Variants in DPP10 observed in about 807,000 individuals in gnomAD.
The protein encoded by DPP10 is inactive dipeptidyl peptidase 10.
In DPP10, 33 loss-of-function variants were observed where a neutral mutation model predicts 120.9. That is an observed-to-expected ratio of 0.27 (90% CI 0.21 to 0.37). DPP10 has a LOEUF of 0.37. DPP10 is among the 10% of genes least tolerant of loss of function. DPP10 has a pLI of 1.00. For missense variants in DPP10, 816 were observed against 942.8 expected (o/e 0.87, Z 1.76); for synonymous variants, 337 against 326.1 (o/e 1.03, Z -0.36).
At chr2:115,700,594 A>G (rs1389835780) in intron 7 of DPP10, among the ~76,000 whole-genome samples, 1 of 152,154 alleles carries the variant, frequency 6.6e-6, no homozygotes, top group African/African-American at 2.4e-5. Context: ...AAAGCAATTA[A>G]GCAAACAAAA....
intron 3 of DPP10, among the ~76,000 whole-genome samples, chr2:115,483,877 T>TC (rs1467137357): frequency 6.6e-6 from 1 of 152,076 alleles, no homozygotes; most frequent in Non-Finnish European, 1.5e-5. Flanking sequence ...GTCAGACTGA[T>TC]CTGCTGCCAA....
chr2:115,557,990 C>T (rs1450307313), intron 5 of DPP10, among the ~76,000 whole-genome samples: 1 of 152,172 alleles, frequency 6.6e-6, no homozygotes, highest in Non-Finnish European at 1.5e-5. Context: ...TCCTTATCAT[C>T]TCTGGGAACT....
chr2:115,814,583 G>T, intron 19 of DPP10: 2 of 372,482 alleles, frequency 5.4e-6, no homozygotes, highest in Non-Finnish European at 9.5e-6. Context: ...ATTTCATTCA[G>T]GGAACTTTTC....
intron 1 of DPP10, among the ~76,000 whole-genome samples, chr2:114,883,383 C>T (rs1691804007): frequency 6.6e-6 from 1 of 152,208 alleles, no homozygotes; most frequent in African/African-American, 2.4e-5. Flanking sequence ...CCTCCTACAG[C>T]ATTCGTGATT....
At chr2:115,377,650 T>C (rs2065920277) in intron 3 of DPP10, among the ~76,000 whole-genome samples, 1 of 152,170 alleles carries the variant, frequency 6.6e-6, no homozygotes, top group South Asian at 2.1e-4. Flanking sequence ...TGAATGGTAA[T>C]GCCTAGGTTT....
At chr2:114,689,134 G>A (rs1699569609) in intron 1 of DPP10, among the ~76,000 whole-genome samples, 1 of 151,524 alleles carries the variant, frequency 6.6e-6, no homozygotes, top group African/African-American at 2.4e-5. Flanking sequence ...TTGTTACATA[G>A]GTAAACATGT....
At chr2:114,959,328 G>A (rs570309985) in intron 1 of DPP10, among the ~76,000 whole-genome samples, 4 of 152,280 alleles carry the variant, frequency 2.6e-5, no homozygotes, top group South Asian at 2.1e-4. Context: ...GAATCTTACA[G>A]TATGTGGCCT....
chr2:114,596,668 A>T (rs545229148), intron 1 of DPP10, among the ~76,000 whole-genome samples: 1 of 152,038 alleles, frequency 6.6e-6, no homozygotes, highest in Admixed American at 6.6e-5. Flanking sequence ...AAATCATCAC[A>T]TCTCTTTCCA....
chr2:114,699,430 A>T (rs1026745757), intron 1 of DPP10, among the ~76,000 whole-genome samples: 2 of 152,116 alleles, frequency 1.3e-5, no homozygotes, highest in African/African-American at 4.8e-5. Context: ...ATCGCTCCAC[A>T]GTGAGGCCTT....
intron 1 of DPP10, among the ~76,000 whole-genome samples, chr2:114,592,483 A>G (rs1245605754): frequency 6.6e-6 from 1 of 152,206 alleles, no homozygotes; most frequent in Non-Finnish European, 1.5e-5. Flanking sequence ...GAAAATACTG[A>G]GTTAAGTCTT....
chr2:115,571,086 C>T (rs1666859057), intron 5 of DPP10, among the ~76,000 whole-genome samples: 1 of 152,170 alleles, frequency 6.6e-6, no homozygotes, highest in Non-Finnish European at 1.5e-5. Context: ...CTATGTTGTA[C>T]ATTCTCAGTC....
At chr2:115,171,729 CAAAA>C (rs368009675) in intron 1 of DPP10, among the ~76,000 whole-genome samples, 3 of 141,760 alleles carry the variant, frequency 2.1e-5, no homozygotes, top group African/African-American at 5.2e-5. Flanking sequence ...AAAAAAAAAA[CAAAA>C]AAAAAACAAG....
intron 21 of DPP10, among the ~76,000 whole-genome samples, chr2:115,833,256 G>C (rs900508929): frequency 1.3e-5 from 2 of 152,030 alleles, no homozygotes; most frequent in African/African-American, 2.4e-5. Flanking sequence ...ATGTTTTCAG[G>C]TTATATAAAC....
chr2:115,793,134 C>T (rs894741829), intron 19 of DPP10, among the ~76,000 whole-genome samples: 2 of 152,032 alleles, frequency 1.3e-5, no homozygotes, highest in African/African-American at 2.4e-5. Context: ...CACAAGAAAC[C>T]AATTTGAAGA....
intron 17 of DPP10, among the ~76,000 whole-genome samples, chr2:115,787,054 C>G (rs924552235): frequency 6.6e-6 from 1 of 152,136 alleles, no homozygotes; most frequent in African/African-American, 2.4e-5. Flanking sequence ...CTAAACTAGC[C>G]ATAGAGCAAA....
chr2:115,751,911 G>C (rs558361438), intron 10 of DPP10, among the ~76,000 whole-genome samples: 78 of 151,562 alleles, frequency 5.1e-4, no homozygotes, highest in Non-Finnish European at 9.6e-4. Context: ...TGATTCTCCA[G>C]CTTCAGCCTC....
At chr2:114,997,512 G>GAA (rs11458570) in intron 1 of DPP10, among the ~76,000 whole-genome samples, 2 of 148,752 alleles carry the variant, frequency 1.3e-5, no homozygotes, top group East Asian at 2.0e-4. Context: ...AAAAAAAAAA[G>GAA]AAAAAAATTC....
At chr2:115,326,850 A>T (rs540459793) in intron 2 of DPP10, among the ~76,000 whole-genome samples, 2 of 152,116 alleles carry the variant, frequency 1.3e-5, no homozygotes, top group South Asian at 4.1e-4. Context: ...AACATTGATA[A>T]AGTAAAGCAG....
At chr2:114,687,319 T>C (rs1324560433) in intron 1 of DPP10, among the ~76,000 whole-genome samples, 1 of 151,968 alleles carries the variant, frequency 6.6e-6, no homozygotes, top group Admixed American at 6.6e-5. Flanking sequence ...TTTCTGTGCT[T>C]CTCTAGTGTA....
Sources: allele counts gnomAD v4.1 joint callset (sites outside exome capture counted in the v4.1 genomes callset), GRCh38; gene constraint gnomAD v4.1.1; transcripts MANE v1.5; gene names NCBI Gene and HGNC (gene_info 2026-07-23, HGNC 2026-07-21).